Variants in CRTAC1 observed in about 807,000 individuals in gnomAD.
CRTAC1 encodes acidic secreted protein in cartilage.
A neutral mutation model predicts 67.8 loss-of-function variants in CRTAC1; 37 were observed. The ratio of observed to expected loss-of-function variants is 0.55; its 90% CI spans 0.42 to 0.72. The LOEUF (loss-of-function observed/expected upper bound fraction) is 0.72. Among genes scored for constraint, CRTAC1 ranks in the 30% least tolerant of loss-of-function variants. The probability of loss-of-function intolerance (pLI) is 0.00; values close to 1 mark genes in which losing one functional copy is unlikely to be tolerated. For synonymous variants in CRTAC1, 348 were observed against 371.0 expected, an observed-to-expected ratio of 0.94 and a Z score of 0.71; for missense variants, 780 against 931.6, an observed-to-expected ratio of 0.84 and a Z score of 2.12.
chr10:97,994,092 A>T (rs1590272552), intron 2 of CRTAC1, among the ~76,000 whole-genome samples: 3 of 152,320 alleles, frequency 2.0e-5, no homozygotes, highest in Admixed American at 2.0e-4. Flanking sequence ...CCTAACCTCA[A>T]GTGATCTGCA....
intron 2 of CRTAC1, among the ~76,000 whole-genome samples, chr10:97,955,418 C>A (rs556833683): frequency 6.6e-6 from 1 of 152,292 alleles, no homozygotes; most frequent in South Asian, 2.1e-4. Flanking sequence ...TTAAAACCAC[C>A]CCTGTACACT....
chr10:97,930,655 T>G (rs760220814), intron 3 of CRTAC1, among the ~76,000 whole-genome samples: 1 of 152,150 alleles, frequency 6.6e-6, no homozygotes, highest in Non-Finnish European at 1.5e-5. Context: ...CTGGACTAGG[T>G]GGAGGAGCTG....
intron 5 of CRTAC1, among the ~76,000 whole-genome samples, chr10:97,916,000 C>T (rs770845121): frequency 1.3e-5 from 2 of 152,032 alleles, no homozygotes; most frequent in African/African-American, 4.8e-5. Flanking sequence ...TCCTCCTTCC[C>T]GCTCCTCGGT....
intron 3 of CRTAC1, among the ~76,000 whole-genome samples, chr10:97,923,941 T>C (rs2050877261): frequency 6.6e-6 from 1 of 152,076 alleles, no homozygotes; most frequent in Non-Finnish European, 1.5e-5. Flanking sequence ...GAGGGGTTGT[T>C]CTGCCTGGGG....
rs889888095 is a variant in CRTAC1 at position 97,985,304 on chromosome 10, C to T, written c.224+25834G>A. 2.6e-5 allele frequency among the ~76,000 whole-genome samples: 4 copies of T among 152,162 alleles called. No homozygotes were observed. In the East Asian group the frequency reaches 7.7e-4, roughly 29 times the overall value. On this transcript the variant is annotated intron_variant, in intron 2 of 14. Transcript: ENST00000370597. ...TTGCTCTATTTGTCAACATTTTTCTCACGTTGTAAATTACATTGGCCTCAT... is the reference window on the plus strand; with the variant it reads ...TTGCTCTATTTGTCAACATTTTTCTTACGTTGTAAATTACATTGGCCTCAT...
In CRTAC1 at chr10:97,904,833, A is replaced by C; in HGVS notation, c.851-19T>G. ...TCCACACCTGGGGAGGAGAGGCAGG[A>C]ACTCTCAGGGCGGCATCCCCTGCAC... On this transcript the variant is annotated intron_variant, in intron 6 of 14. Transcript: ENST00000370597. 6.3e-7 allele frequency: 1 copy of C among 1,587,018 alleles called. No homozygotes were observed. The highest frequency in any genetic ancestry group is 8.5e-7 in the Non-Finnish European group (1 of 1,169,978).
At chr10:98,013,038 G>C (rs531281388) in intron 1 of CRTAC1, among the ~76,000 whole-genome samples, 346 of 152,316 alleles carry the variant, frequency 2.3e-3, no homozygotes, top group Non-Finnish European at 3.8e-3. Context: ...GGGGATGGGG[G>C]AGGAAATGGG....
At chr10:97,868,941 C>T (rs1181105708) in intron 14 of CRTAC1, 2 of 152,234 alleles carry the variant, frequency 1.3e-5, no homozygotes, top group South Asian at 2.1e-4. Context: ...ATTCAATTCT[C>T]ACAGCAACCC....
intron 14 of CRTAC1, chr10:97,868,928 G>T (rs2050059183): frequency 1.3e-5 from 2 of 152,130 alleles, no homozygotes. Context: ...TACATAATTA[G>T]TCATTCAATT....
Position 97,915,298 on chromosome 10 carries a change from A to C in CRTAC1, c.715+2202T>G, listed in dbSNP as rs527609012. Among the ~76,000 whole-genome samples, 11 of 152,326 alleles carry C rather than the reference A, an allele frequency of 7.2e-5. No homozygotes were observed. In the South Asian group the frequency reaches 2.3e-3, roughly 32 times the overall value. ...AGCATCAGGAGGAGATGGGGCTCTAAGTGCTAGCTCTCTACCAACCTCCTG... is the reference window on the plus strand; with the variant it reads ...AGCATCAGGAGGAGATGGGGCTCTACGTGCTAGCTCTCTACCAACCTCCTG... On this transcript the variant is annotated intron_variant, in intron 5 of 14. Transcript: ENST00000370597.
chr10:97,896,289 CCTGTTATATTTGCACA>C (rs2050457917), intron 9 of CRTAC1, among the ~76,000 whole-genome samples: 1 of 152,048 alleles, frequency 6.6e-6, no homozygotes, highest in African/African-American at 2.4e-5. Flanking sequence ...ATAATACACA[CCTGTTATATTTGCACA>C]GGTTTTTTTT....
chr10:97,878,977 G>A (rs1202931813), intron 14 of CRTAC1, among the ~76,000 whole-genome samples: 2 of 152,180 alleles, frequency 1.3e-5, no homozygotes, highest in South Asian at 2.1e-4. Flanking sequence ...GCCTGAGGGT[G>A]ACACCTGCTT....
rs555694338 is a variant in CRTAC1, at chr10:97,966,482, T to C, written c.225-30116A>G. 2.2e-3 allele frequency among the ~76,000 whole-genome samples: 328 copies of C among 152,328 alleles called. 1 individual carries two copies. Among genetic ancestry groups the C allele is most frequent in the African/African-American group, 6.9e-3 (287 of 41,580 alleles). ...TTACAGAAAAATTGCAAGGGTAGTA[T>C]AGTGAGTTCCCACACATGCCCTGCC... On this transcript the variant is annotated intron_variant, in intron 2 of 14. Coordinates refer to ENST00000370597, the MANE Select transcript of CRTAC1 (RefSeq NM_018058.7).
At chr10:97,951,798 A>C (rs2136632579) in intron 2 of CRTAC1, among the ~76,000 whole-genome samples, 1 of 152,360 alleles carries the variant, frequency 6.6e-6, no homozygotes, top group South Asian at 2.1e-4. Context: ...TCCCACCTGC[A>C]GGAAAAGAAT....
At chr10:97,931,342 T>C (rs1205323450) in intron 3 of CRTAC1, among the ~76,000 whole-genome samples, 1 of 152,236 alleles carries the variant, frequency 6.6e-6, no homozygotes, top group African/African-American at 2.4e-5. Flanking sequence ...TTCTATGAAC[T>C]CACAAATATG....
chr10:97,945,305 C>A (rs1417531394), intron 2 of CRTAC1, among the ~76,000 whole-genome samples: 1 of 152,142 alleles, frequency 6.6e-6, no homozygotes, highest in Non-Finnish European at 1.5e-5. Context: ...ACAGGGATCC[C>A]AGAAACTCCT....
At chr10:97,981,507 G>A (rs1282097094) in intron 2 of CRTAC1, among the ~76,000 whole-genome samples, 1 of 152,180 alleles carries the variant, frequency 6.6e-6, no homozygotes, top group African/African-American at 2.4e-5. Context: ...TCACATTGAT[G>A]TTCCATAATT....
intron 2 of CRTAC1, among the ~76,000 whole-genome samples, chr10:97,948,312 AT>A (rs1324819279): frequency 6.6e-6 from 1 of 152,178 alleles, no homozygotes; most frequent in Non-Finnish European, 1.5e-5. Context: ...GTATTTGGCA[AT>A]TTGGAAGCCA....
intron 2 of CRTAC1, among the ~76,000 whole-genome samples, chr10:97,971,514 G>A (rs2051712151): frequency 1.3e-5 from 2 of 152,190 alleles, no homozygotes; most frequent in South Asian, 2.1e-4. Context: ...GGAGAGAATG[G>A]GGAGTGAGTG....
Sources: allele counts gnomAD v4.1 joint callset (sites outside exome capture counted in the v4.1 genomes callset), GRCh38; gene constraint gnomAD v4.1.1; transcripts MANE v1.5; gene names NCBI Gene and HGNC (gene_info 2026-07-23, HGNC 2026-07-21).